The following LRP4 variants were observed in gnomAD, a reference collection of about 807,000 sequenced individuals.
LRP4 encodes low-density lipoprotein receptor-related protein 4.
A neutral mutation model predicts 220.3 loss-of-function variants in LRP4; 95 were observed. The observed-to-expected ratio is 0.43, with a 90% CI of 0.37 to 0.51. LRP4 has a LOEUF of 0.51. LRP4 is among the 20% of genes least tolerant of loss of function. The pLI is 0.00. For synonymous variants in LRP4, 903 were observed against 954.6 expected, an observed-to-expected ratio of 0.95 and a Z score of 1.00; for missense variants, 1,925 against 2,567.0, an observed-to-expected ratio of 0.75 and a Z score of 5.40.
chr11:46,884,474 C>T (rs1419644652), intron 18 of LRP4, among the ~76,000 whole-genome samples: 1 of 152,006 alleles, frequency 6.6e-6, no homozygotes, highest in Non-Finnish European at 1.5e-5. Context: ...CAGTGGCTCA[C>T]ACCTGTAATC....
intron 1 of LRP4, among the ~76,000 whole-genome samples, chr11:46,908,147 G>T (rs183567020): frequency 6.6e-6 from 1 of 152,194 alleles, no homozygotes; most frequent in East Asian, 1.9e-4. Context: ...GGCCAGGGTG[G>T]TCTTAAATTC....
Position 46,883,898 on chromosome 11 carries a change from C to T in LRP4, c.2585G>A (p.Arg862Gln), listed in dbSNP as rs766177806. 6 of 1,614,088 alleles carry T rather than the reference C, an allele frequency of 3.7e-6. No homozygotes were observed. In the African/African-American group the frequency reaches 4.0e-5, roughly 11 times the overall value. The change falls in exon 19 of 38, where the codon CGG becomes CAG. Residue 862 changes from arginine (R) to glutamine (Q), a missense_variant. This residue lies in a region of LRP4 where 1,244 missense variants were observed against 1,624.9 expected (regional missense o/e 0.77). Coordinates refer to ENST00000378623, the MANE Select transcript of LRP4 (RefSeq NM_002334.4). ...VLIWENLDRP[R>Q]DIVVEPMGGY... ...GCCCATGGGTTCCACCACGATGTCC[C>T]GAGGACGATCAAGGTTCTCCCAGAT... is the stretch of plus-strand genomic sequence containing the variant.
Position 46,918,262 on chromosome 11 carries a change from G to A in LRP4, c.52+66C>T. 3 of 1,474,934 alleles carry A rather than the reference G, an allele frequency of 2.0e-6. No homozygotes were observed. In the South Asian group the frequency reaches 3.7e-5, roughly 18 times the overall value. The allele number at this position is 1,474,934 out of a possible 1,614,324, so 91.4% of individuals were successfully genotyped here. Reference sequence around the variant, plus strand: ...TCAGGCCCCGGCCCGCGCCGTCCAGGTCCCGGGAGGCGAGTCCTGCAGCGG... The same window carrying A: ...TCAGGCCCCGGCCCGCGCCGTCCAGATCCCGGGAGGCGAGTCCTGCAGCGG... On this transcript the variant is annotated intron_variant, in intron 1 of 37. Coordinates refer to ENST00000378623, the MANE Select transcript of LRP4 (RefSeq NM_002334.4). The surrounding 1 kb of genome is among the most constrained non-coding windows in gnomAD (Gnocchi z 6.0).
Position 46,918,308 on chromosome 11 carries a change from T to C in LRP4, c.52+20A>G. Reference sequence around the variant, plus strand: ...AGCGGCCGGACCCAGGGACAAACTTTCCCGGCGGGCGCCGCTTACCGTGTG... The same window carrying C: ...AGCGGCCGGACCCAGGGACAAACTTCCCCGGCGGGCGCCGCTTACCGTGTG... On this transcript the variant is annotated intron_variant, in intron 1 of 37. Transcript: ENST00000378623. This position sits in a 1 kb window ranked among gnomAD's most constrained non-coding sequence, Gnocchi z 6.0. 6.6e-7 allele frequency: 1 copy of C among 1,508,170 alleles called. No homozygotes were observed. The highest frequency in any genetic ancestry group is 8.8e-7 in the Non-Finnish European group (1 of 1,134,324). The allele number at this position is 1,508,170 out of a possible 1,614,324, so 93.4% of individuals were successfully genotyped here. A position where few individuals can be genotyped will look rare whatever the true frequency, so the allele number is the denominator to read the frequency against.
Position 46,879,905 on chromosome 11 carries a change from G to C in LRP4, c.2815-590C>G, listed in dbSNP as rs555186543. On this transcript the variant is annotated intron_variant, in intron 20 of 37. Transcript: ENST00000378623. Reference sequence around the variant, plus strand: ...AGATCACCTGAGGTCAGGAGTTCGAGACTAGCCTGGCCAACATGGCGAAAC... The same window carrying C: ...AGATCACCTGAGGTCAGGAGTTCGACACTAGCCTGGCCAACATGGCGAAAC... 3.6e-3 allele frequency among the ~76,000 whole-genome samples: 542 copies of C among 152,342 alleles called. 2 individuals are homozygous for C. Among genetic ancestry groups the C allele is most frequent in the African/African-American group, 0.012 (518 of 41,574 alleles).
At chr11:46,898,535 C>CCTAA in intron 7 of LRP4, 23 bp downstream of exon 7, 2 of 1,613,886 alleles carry the variant, frequency 1.2e-6, no homozygotes, top group Non-Finnish European at 8.5e-7. Context: ...TCAAGCCCAA[C>CCTAA]CTAATTCCAT....
Position 46,894,683 on chromosome 11 carries a change from G to A in LRP4, c.1446C>T (p.Val482=), listed in dbSNP as rs1357120382. ...ALDFHHRREL[V]FWSDVTLDRI... The stretch of plus-strand genomic sequence containing the variant: ...GGTCCAGGGTGACATCTGACCAGAA[G>A]ACAAGCTCGCGGCGGTGGTGGAAAT... Residue 482 remains valine, a synonymous_variant, in exon 12 of 38, where the codon GTC becomes GTT. Coordinates refer to ENST00000378623, the MANE Select transcript of LRP4 (RefSeq NM_002334.4). 1 of 1,614,250 alleles carries A rather than the reference G, an allele frequency of 6.2e-7. No individual in the cohort carries two copies. The highest frequency in any genetic ancestry group is 1.7e-5 in the Admixed American group (1 of 60,030).
In LRP4 at chr11:46,881,373, C is replaced by T. The variant is rs186097024; in HGVS notation, c.2814+329G>A. ...AACAAAAACAAAAAGAGATGAATCACAGGCCCACAGTGCAACTGGTAATTT... is the reference window on the plus strand; with the variant it reads ...AACAAAAACAAAAAGAGATGAATCATAGGCCCACAGTGCAACTGGTAATTT... On this transcript the variant is annotated intron_variant, in intron 20 of 37. Transcript: ENST00000378623. Among the ~76,000 whole-genome samples the T allele has an allele frequency of 5.9e-5, 9 of 152,308 alleles. No homozygotes were observed. In the East Asian group the frequency reaches 1.7e-3, roughly 29 times the overall value.
At chr11:46,912,879 T>G (rs913094522) in intron 1 of LRP4, among the ~76,000 whole-genome samples, 7 of 152,126 alleles carry the variant, frequency 4.6e-5, no homozygotes, top group African/African-American at 1.7e-4. Context: ...CGGTGATAAA[T>G]TATGCAGCAG....
intron 1 of LRP4, among the ~76,000 whole-genome samples, chr11:46,904,387 C>A (rs1034283151): frequency 6.6e-6 from 1 of 152,148 alleles, no homozygotes; most frequent in African/African-American, 2.4e-5. Context: ...GCCATGCCCT[C>A]CAAAAGCAGG....
At position 46,874,948 on chromosome 11, in the gene LRP4, G is replaced by A. The variant is rs745826848; in HGVS notation, c.4081C>T (p.Arg1361Cys). Residue 1361 changes from arginine to cysteine, a missense_variant, in exon 28 of 38, where the codon CGT becomes TGT. Around this residue, in one of 3 missense-constraint regions of LRP4, gnomAD observed 1,244 missense variants for 1,624.9 expected, o/e 0.77. Coordinates refer to ENST00000378623, the MANE Select transcript of LRP4 (RefSeq NM_002334.4). ...SPETYLLFSS[R>C]GSIRRISLDT... Reference sequence around the variant, plus strand: ...AGTGAGATACGCCGGATGGAGCCACGGCTGGAGAAGAGCAGGTAGGTCTCA... The same window carrying A: ...AGTGAGATACGCCGGATGGAGCCACAGCTGGAGAAGAGCAGGTAGGTCTCA... 6 of 1,614,170 alleles carry A rather than the reference G, an allele frequency of 3.7e-6. No individual in the cohort carries two copies. The highest frequency in any genetic ancestry group is 1.1e-5 in the South Asian group (1 of 91,072).
At position 46,890,338 on chromosome 11, in the gene LRP4, C is replaced by T. The variant is rs1373420315; in HGVS notation, c.1854G>A (p.Lys618=). 2 of 1,614,188 alleles carry T rather than the reference C, an allele frequency of 1.2e-6. No individual in the cohort carries two copies. The highest frequency in any genetic ancestry group is 1.7e-5 in the Admixed American group (1 of 60,024). ...AGRRMYWVDA[K]HHVIERANLD... is the part of the protein sequence containing the mutation. Reference sequence around the variant, plus strand: ...GATTGGCCCTCTCGATGACATGGTGCTTAGCATCCACCCAGTACATACGGC... The same window carrying T: ...GATTGGCCCTCTCGATGACATGGTGTTTAGCATCCACCCAGTACATACGGC... The change falls in exon 14 of 38, where the codon AAG becomes AAA. Residue 618 remains lysine, a synonymous_variant. Coordinates refer to ENST00000378623, the MANE Select transcript of LRP4 (RefSeq NM_002334.4). This position sits in a 1 kb window ranked among gnomAD's most constrained non-coding sequence, Gnocchi z 5.3.
At chr11:46,863,080 G>A in intron 36 of LRP4, 1 of 350,446 alleles carries the variant, frequency 2.9e-6, no homozygotes, top group Non-Finnish European at 5.4e-6. Context: ...AGGCCCACAA[G>A]GCAAGAAACT....
At chr11:46,872,959 T>C in intron 30 of LRP4, 141 bp downstream of exon 30, 4 of 1,224,080 alleles carry the variant, frequency 3.3e-6, no homozygotes, top group Non-Finnish European at 2.4e-6. Flanking sequence ...TCTAAGAATA[T>C]ATTCCCTTAT....
Position 46,859,275 on chromosome 11 carries a change from A to T in LRP4, c.5426T>A (p.Ile1809Asn), listed in dbSNP as rs373162825. 20 of 1,614,004 alleles carry T rather than the reference A, an allele frequency of 1.2e-5. No individual in the cohort carries two copies. The highest frequency in any genetic ancestry group is 1.7e-5 in the Non-Finnish European group (20 of 1,179,998). The change falls in exon 38 of 38, where the codon ATC (isoleucine) becomes AAC (asparagine). Residue 1809 changes from isoleucine to asparagine, a missense_variant. Physicochemically the swap from Ile to Asn is moderately radical, Grantham distance 149. Transcript: ENST00000378623. ...AGACAGGAGGCAGATTCCCTCTACG[A>T]TCTTGATCTTCTCCTTGGTGTAGTT... ...DHNYTKEKIK[I>N]VEGICLLSGD... is the part of the protein sequence containing the mutation.
chr11:46,859,099 C>G lies in LRP4; in HGVS notation c.5602G>C (p.Glu1868Gln). 6.2e-7 allele frequency: 1 copy of G among 1,614,176 alleles called. No individual in the cohort carries two copies. Among genetic ancestry groups the G allele is most frequent in the Middle Eastern group, 1.6e-4 (1 of 6,062 alleles). ...ACGCTGCTACACTCAGACTGCTCTT[C>G]CTGTAACAGCTGCTCCGTCTCTGTG... ...DDTETEQLLQ[E>Q]EQSECSSVHT... The change falls in exon 38 of 38, where the codon GAA (glutamate) becomes CAA (glutamine). Residue 1868 changes from glutamate (E) to glutamine (Q), a missense_variant. This residue lies in a region of LRP4 where 1,244 missense variants were observed against 1,624.9 expected (regional missense o/e 0.77). Transcript: ENST00000378623.
At position 46,900,296 on chromosome 11, in the gene LRP4, G is replaced by C. The variant is rs17848224; in HGVS notation, c.282C>G (p.Asn94Lys). Reference protein sequence around the residue: ...IRRSWVCDGDNDCEDDSDEQD... With the variant: ...IRRSWVCDGDKDCEDDSDEQD... ...GCTCATCCGAGTCATCCTCACAGTC[G>C]TTGTCCCCGTCACACACCCAGGAGC... Residue 94 changes from asparagine (N) to lysine (K), a missense_variant, in exon 3 of 38, where the codon AAC becomes AAG. Coordinates refer to ENST00000378623, the MANE Select transcript of LRP4 (RefSeq NM_002334.4). 1 of 1,613,902 alleles carries C rather than the reference G, an allele frequency of 6.2e-7. No individual in the cohort carries two copies. The highest frequency in any genetic ancestry group is 8.5e-7 in the Non-Finnish European group (1 of 1,179,944).
In LRP4 at chr11:46,875,371, C is replaced by G; in HGVS notation, c.3925+85G>C. On this transcript the variant is annotated intron_variant, in intron 27 of 37. Transcript: ENST00000378623. The surrounding 1 kb of genome is among the most constrained non-coding windows in gnomAD (Gnocchi z 4.5). ...CCGTCTTTCTGGCTGTAAAGGAGCT[C>G]TGTGCTCTGGATATATCTCTGATGT... 8.0e-7 allele frequency: 1 copy of G among 1,252,188 alleles called. No individual in the cohort carries two copies. Among genetic ancestry groups the G allele is most frequent in the East Asian group, 2.4e-5 (1 of 42,046 alleles). 77.6% of individuals were successfully genotyped at this position (1,252,188 alleles called of 1,614,324 possible).
rs886048359 is a variant in LRP4 at position 46,918,525 on chromosome 11, C to T, written c.-146G>A. ...GCAAGTCGCCCTCGGGCCGCCGCCGCCTCCAGTGCTGCCAGAGCCGACGCT... is the reference window on the plus strand; with the variant it reads ...GCAAGTCGCCCTCGGGCCGCCGCCGTCTCCAGTGCTGCCAGAGCCGACGCT... On this transcript the variant is annotated 5_prime_UTR_variant, in exon 1 of 38. Coordinates refer to ENST00000378623, the MANE Select transcript of LRP4 (RefSeq NM_002334.4). The surrounding 1 kb of genome is among the most constrained non-coding windows in gnomAD (Gnocchi z 6.0). 1.3e-5 allele frequency: 5 copies of T among 377,654 alleles called. No homozygotes were observed. The highest frequency in any genetic ancestry group is 2.0e-5 in the Non-Finnish European group (5 of 252,692). 23.4% of individuals were successfully genotyped at this position (377,654 alleles called of 1,614,324 possible).
Sources: allele counts gnomAD v4.1 joint callset (sites outside exome capture counted in the v4.1 genomes callset), GRCh38; gene constraint gnomAD v4.1.1; regional missense constraint gnomAD v4.1.1; non-coding constraint Gnocchi (gnomAD v3.1); transcripts MANE v1.5; gene names NCBI Gene and HGNC (gene_info 2026-07-23, HGNC 2026-07-21).